The following HPSE2 variants were observed in gnomAD, a reference collection of about 807,000 sequenced individuals.
HPSE2 encodes heparanase 2 (inactive).
Under a neutral mutation model 60.5 loss-of-function variants are expected in HPSE2, and 38 were observed. That is an observed-to-expected ratio of 0.63 (90% CI 0.48 to 0.82). HPSE2 has a LOEUF of 0.82. Among genes scored for constraint, HPSE2 ranks in the 40% least tolerant of loss-of-function variants. The pLI is 0.00. For missense variants in HPSE2, 713 were observed against 740.4 expected (o/e 0.96, Z 0.43); for synonymous variants, 295 against 293.2 (o/e 1.01, Z -0.06).
At chr10:98,845,202 G>A (rs576034178) in intron 3 of HPSE2, among the ~76,000 whole-genome samples, 3 of 152,298 alleles carry the variant, frequency 2.0e-5, no homozygotes, top group East Asian at 3.9e-4. Context: ...AGCTATTTGT[G>A]AAACTAAGTT....
intron 9 of HPSE2, among the ~76,000 whole-genome samples, chr10:98,578,074 T>C (rs922531221): frequency 6.6e-6 from 1 of 152,200 alleles, no homozygotes; most frequent in Admixed American, 6.5e-5. Flanking sequence ...AGGGAAAGGA[T>C]AAAGACTCAG....
At position 98,557,539 on chromosome 10, in the gene HPSE2, A is replaced by G. The variant is rs1333218334; in HGVS notation, c.1320+57365T>C. 2.0e-5 allele frequency among the ~76,000 whole-genome samples: 3 copies of G among 152,366 alleles called. No individual in the cohort carries two copies. The East Asian group carries it at 5.8e-4, about 29-fold the overall frequency. ...GAAGATTTTAGAAACATAGGAGAAC[A>G]TCTTTGTGATAGTGGAGTACGCAAA... On this transcript the variant is annotated intron_variant, in intron 9 of 11. Transcript: ENST00000370552.
Position 99,152,863 on chromosome 10 carries a change from C to T in HPSE2, c.449-8464G>A, listed in dbSNP as rs184616792. Among the ~76,000 whole-genome samples the T allele has an allele frequency of 4.6e-3, 697 of 152,272 alleles. 4 individuals are homozygous for T. Among genetic ancestry groups the T allele is most frequent in the African/African-American group, 0.016 (667 of 41,554 alleles). Reference sequence around the variant, plus strand: ...ACCGGGTTCACCTCACTAGGGAGTGCCAGACAGTGGGCGCGGGTCAGTGGG... The same window carrying T: ...ACCGGGTTCACCTCACTAGGGAGTGTCAGACAGTGGGCGCGGGTCAGTGGG... On this transcript the variant is annotated intron_variant, in intron 2 of 11. Transcript: ENST00000370552.
At chr10:98,771,594 T>C (rs1266467938) in intron 3 of HPSE2, among the ~76,000 whole-genome samples, 1 of 152,200 alleles carries the variant, frequency 6.6e-6, no homozygotes, top group Non-Finnish European at 1.5e-5. Flanking sequence ...CCAGGAGTTA[T>C]GAAAATTAGC....
intron 3 of HPSE2, among the ~76,000 whole-genome samples, chr10:99,018,279 C>T (rs1359435778): frequency 6.6e-6 from 1 of 152,208 alleles, no homozygotes; most frequent in Non-Finnish European, 1.5e-5. Flanking sequence ...AAAATCTAGA[C>T]TTACTAGGCC....
the HPSE2 span, among the ~76,000 whole-genome samples, chr10:99,289,226 G>A: frequency 6.6e-6 from 1 of 151,976 alleles, no homozygotes; most frequent in African/African-American, 2.4e-5. Flanking sequence ...GCGTAAATAA[G>A]GTAAAGTCTC....
At chr10:98,997,273 C>T (rs144080575) in intron 3 of HPSE2, among the ~76,000 whole-genome samples, 12 of 151,890 alleles carry the variant, frequency 7.9e-5, no homozygotes, top group South Asian at 4.2e-4. Context: ...CCACCATGCC[C>T]GGCTAATTTT....
At chr10:99,184,786 T>TTTTATATATATATATATATATATA (rs1431394305) in intron 2 of HPSE2, among the ~76,000 whole-genome samples, 1 of 25,284 alleles carries the variant, frequency 4.0e-5, no homozygotes, top group African/African-American at 1.4e-4. Flanking sequence ...CTATCCAAAA[T>TTTTATATATATATATATATATATA]TATATATATA....
intron 3 of HPSE2, among the ~76,000 whole-genome samples, chr10:99,135,179 T>C (rs1426874988): frequency 6.9e-6 from 1 of 145,860 alleles, no homozygotes; most frequent in Non-Finnish European, 1.5e-5. Flanking sequence ...ATCCTAAATA[T>C]ATATGCACCC....
chr10:99,019,517 T>G (rs1342917884), intron 3 of HPSE2, among the ~76,000 whole-genome samples: 1 of 152,142 alleles, frequency 6.6e-6, no homozygotes, highest in Non-Finnish European at 1.5e-5. Flanking sequence ...CTTTATATGA[T>G]TCTACCTTGG....
chr10:98,493,897 A>G (rs867515785), intron 9 of HPSE2, among the ~76,000 whole-genome samples: 11 of 152,102 alleles, frequency 7.2e-5, no homozygotes, highest in Non-Finnish European at 1.3e-4. Context: ...TGTTTAGTTG[A>G]TATTTTTTAG....
At chr10:98,764,486 T>G (rs975804371) in intron 3 of HPSE2, among the ~76,000 whole-genome samples, 1 of 152,212 alleles carries the variant, frequency 6.6e-6, no homozygotes, top group African/African-American at 2.4e-5. Context: ...TTGTTAGATT[T>G]GATTTTTAAA....
chr10:98,640,871 C>T (rs1589553606), intron 7 of HPSE2, among the ~76,000 whole-genome samples: 1 of 152,174 alleles, frequency 6.6e-6, no homozygotes, highest in East Asian at 1.9e-4. Flanking sequence ...AATCACTTGA[C>T]AGATGATTAA....
At chr10:99,006,292 CAG>C (rs1441911602) in intron 3 of HPSE2, among the ~76,000 whole-genome samples, 2 of 152,086 alleles carry the variant, frequency 1.3e-5, no homozygotes, top group Admixed American at 6.5e-5. Flanking sequence ...AGTCTAGAAC[CAG>C]AGTCTGTTGG....
chr10:99,007,737 C>T (rs1956925802), intron 3 of HPSE2, among the ~76,000 whole-genome samples: 3 of 152,186 alleles, frequency 2.0e-5, no homozygotes, highest in Admixed American at 2.0e-4. Flanking sequence ...CTCCTACAGT[C>T]ATAACACAAA....
chr10:98,948,255 C>G (rs912225440), intron 3 of HPSE2, among the ~76,000 whole-genome samples: 12 of 152,146 alleles, frequency 7.9e-5, no homozygotes, highest in African/African-American at 2.7e-4. Flanking sequence ...GGATTTATAA[C>G]AGAGCCAGTC....
chr10:98,762,684 T>C (rs2134392128), intron 3 of HPSE2, among the ~76,000 whole-genome samples: 1 of 147,652 alleles, frequency 6.8e-6, no homozygotes, highest in East Asian at 2.0e-4. Flanking sequence ...AAATTTACAG[T>C]CTGAACATAA....
intron 3 of HPSE2, among the ~76,000 whole-genome samples, chr10:98,867,388 T>A (rs1016732825): frequency 6.6e-6 from 1 of 151,216 alleles, no homozygotes; most frequent in Non-Finnish European, 1.5e-5. Flanking sequence ...AAAAAGCATA[T>A]GAAAAAGTGC....
chr10:98,497,084 A>AT (rs1328148244), intron 9 of HPSE2, among the ~76,000 whole-genome samples: 10 of 152,168 alleles, frequency 6.6e-5, no homozygotes, highest in Non-Finnish European at 1.5e-4. Context: ...TAAGTTTGCT[A>AT]TTTTTTAAGT....
Sources: gnomAD v4.1 joint callset for allele counts (sites outside exome capture counted in the v4.1 genomes callset) on GRCh38, gnomAD v4.1.1 for gene constraint, MANE v1.5 for transcripts, NCBI Gene and HGNC (gene_info 2026-07-23, HGNC 2026-07-21) for gene names.